Variants in GRIA1 observed in about 807,000 individuals in gnomAD.
GRIA1 encodes the protein glutamate ionotropic receptor AMPA type subunit 1, also known as glutamate receptor 1.
A neutral mutation model predicts 99.2 loss-of-function variants in GRIA1; 31 were observed. That is an observed-to-expected ratio of 0.31 (90% confidence interval 0.23 to 0.42). GRIA1 has a LOEUF of 0.42. GRIA1 is among the 10% of genes least tolerant of loss of function. The pLI is 1.00. For missense variants in GRIA1, 782 were observed against 1,157.5 expected (o/e 0.68, Z 4.71); for synonymous variants, 438 against 432.4 (o/e 1.01, Z -0.16).
chr5:153,766,423 C>T (rs1013750014), intron 12 of GRIA1, among the ~76,000 whole-genome samples: 2 of 152,202 alleles, frequency 1.3e-5, no homozygotes, highest in African/African-American at 4.8e-5. Flanking sequence ...TAACAATGCT[C>T]TCATCCTTAT....
At position 153,811,164 on chromosome 5, in the gene GRIA1, T is replaced by A; in HGVS notation, c.2660T>A (p.Met887Lys). ...GTCAGCCATGACTTCCCCAAGTCCA[T>A]GCAATCGATTCCTTGCATGAGCCAC... ...RVVSHDFPKS[M>K]QSIPCMSHSS... Residue 887 changes from methionine to lysine, a missense_variant, in exon 16 of 16, where the codon ATG becomes AAG. Coordinates refer to ENST00000285900, the MANE Select transcript of GRIA1 (RefSeq NM_000827.4). The A allele has an allele frequency of 6.2e-7, 1 of 1,614,134 alleles. No homozygotes were observed. The highest frequency in any genetic ancestry group is 1.3e-5 in the African/African-American group (1 of 75,044).
At chr5:153,714,327 C>G (rs1759521019) in intron 11 of GRIA1, among the ~76,000 whole-genome samples, 1 of 152,182 alleles carries the variant, frequency 6.6e-6, no homozygotes, top group Non-Finnish European at 1.5e-5. Flanking sequence ...TTTAGACACA[C>G]TTGGAATATC....
chr5:153,625,027 G>T (rs1416089156), intron 2 of GRIA1, among the ~76,000 whole-genome samples: 1 of 152,202 alleles, frequency 6.6e-6, no homozygotes, highest in Admixed American at 6.5e-5. Flanking sequence ...TCAGCACAGA[G>T]AAGATGCCTT....
At chr5:153,598,014 AAAG>A (rs1366332721) in intron 2 of GRIA1, among the ~76,000 whole-genome samples, 3 of 152,176 alleles carry the variant, frequency 2.0e-5, no homozygotes, top group East Asian at 1.9e-4. Context: ...TCAGTCTCAA[AAAG>A]AAGAAGATCA....
At position 153,669,234 on chromosome 5, in the gene GRIA1, A is replaced by G. The variant is rs932317491; in HGVS notation, c.700-5266A>G. Among the ~76,000 whole-genome samples, 8 of 152,356 alleles carry G rather than the reference A, an allele frequency of 5.3e-5. 1 individual carries two copies. In the South Asian group the frequency reaches 1.7e-3, roughly 32 times the overall value. On this transcript the variant is annotated intron_variant, in intron 5 of 15. Coordinates refer to ENST00000285900, the MANE Select transcript of GRIA1 (RefSeq NM_000827.4). ...CAGGAATAGAGCTTGGAAAATGTTT[A>G]AAATACATCTCAAACAATTATTATT...
intron 7 of GRIA1, among the ~76,000 whole-genome samples, chr5:153,678,248 C>T (rs1249416821): frequency 6.6e-6 from 1 of 152,222 alleles, no homozygotes; most frequent in African/African-American, 2.4e-5. Context: ...ACTATTCCCA[C>T]TTGTTTGCCA....
chr5:153,623,024 A>T (rs1482511537), intron 2 of GRIA1, among the ~76,000 whole-genome samples: 3 of 152,202 alleles, frequency 2.0e-5, no homozygotes, highest in Non-Finnish European at 4.4e-5. Context: ...ATTTAGGATA[A>T]CTATACTCTA....
chr5:153,625,015 A>G (rs1264421780), intron 2 of GRIA1, among the ~76,000 whole-genome samples: 2 of 152,210 alleles, frequency 1.3e-5, no homozygotes, highest in African/African-American at 4.8e-5. Context: ...AGACATACCA[A>G]GTCAGCACAG....
chr5:153,579,598 T>C (rs1762869774), intron 2 of GRIA1, among the ~76,000 whole-genome samples: 1 of 152,232 alleles, frequency 6.6e-6, no homozygotes, highest in Non-Finnish European at 1.5e-5. Flanking sequence ...TGTTTAGTAA[T>C]GCATATAGAT....
chr5:153,694,989 G>GA (rs35041796), intron 8 of GRIA1, among the ~76,000 whole-genome samples: 31 of 146,416 alleles, frequency 2.1e-4, no homozygotes, highest in East Asian at 6.0e-4. Flanking sequence ...AAAGGGAAAA[G>GA]AAAAAAAAAA....
At chr5:153,642,675 G>A (rs1029244341) in intron 2 of GRIA1, among the ~76,000 whole-genome samples, 3 of 151,370 alleles carry the variant, frequency 2.0e-5, no homozygotes, top group Non-Finnish European at 2.9e-5. Context: ...GAGGAAGAAA[G>A]AGAACACCAT....
intron 2 of GRIA1, among the ~76,000 whole-genome samples, chr5:153,529,467 T>C (rs1757902440): frequency 6.6e-6 from 1 of 152,148 alleles, no homozygotes; most frequent in South Asian, 2.1e-4. Flanking sequence ...AAATACTTGG[T>C]CAAAAGGTGA....
chr5:153,740,482 C>G (rs1761704091), intron 11 of GRIA1, among the ~76,000 whole-genome samples: 1 of 152,172 alleles, frequency 6.6e-6, no homozygotes, highest in Admixed American at 6.5e-5. Flanking sequence ...GATAGAAGGA[C>G]AGTTGAGTCC....
At chr5:153,569,296 G>A (rs926338969) in intron 2 of GRIA1, among the ~76,000 whole-genome samples, 3 of 152,174 alleles carry the variant, frequency 2.0e-5, no homozygotes, top group African/African-American at 7.2e-5. Flanking sequence ...TTCTCTAAGG[G>A]TCTATGCTAC....
At chr5:153,681,186 G>A (rs1196492850) in intron 7 of GRIA1, among the ~76,000 whole-genome samples, 2 of 152,146 alleles carry the variant, frequency 1.3e-5, no homozygotes, top group Non-Finnish European at 2.9e-5. Flanking sequence ...ATAGATAAGG[G>A]AGGAAGTGAC....
intron 2 of GRIA1, among the ~76,000 whole-genome samples, chr5:153,494,743 C>T (rs1328561059): frequency 6.6e-6 from 1 of 152,164 alleles, no homozygotes; most frequent in African/African-American, 2.4e-5. Context: ...TCTGAGTTTT[C>T]CTGGCAACTA....
intron 2 of GRIA1, among the ~76,000 whole-genome samples, chr5:153,568,145 C>T (rs540098301): frequency 3.2e-4 from 48 of 152,266 alleles, no homozygotes; most frequent in Admixed American, 8.5e-4. Context: ...ACACGGGTGA[C>T]GAAGCAGTCT....
At chr5:153,721,226 A>G (rs1760046042) in intron 11 of GRIA1, among the ~76,000 whole-genome samples, 1 of 152,142 alleles carries the variant, frequency 6.6e-6, no homozygotes, top group Non-Finnish European at 1.5e-5. Flanking sequence ...TTTAACTTCA[A>G]CCTCTTTTTT....
chr5:153,613,203 T>A (rs777625425), intron 2 of GRIA1, among the ~76,000 whole-genome samples: 1 of 150,368 alleles, frequency 6.7e-6, no homozygotes, highest in Non-Finnish European at 1.5e-5. Flanking sequence ...ACTGAACGGC[T>A]CCTGAAAGGA....
Sources: gnomAD v4.1 joint callset for allele counts (sites outside exome capture counted in the v4.1 genomes callset) on GRCh38, gnomAD v4.1.1 for gene constraint, MANE v1.5 for transcripts, NCBI Gene and HGNC (gene_info 2026-07-23, HGNC 2026-07-21) for gene names.